UBN2: variants seen among roughly 807,000 people sequenced by gnomAD.
UBN2 encodes ubinuclein-2.
UBN2 carries 35 observed loss-of-function variants against 120.2 expected under a neutral mutation model. That is an observed-to-expected ratio of 0.29 (90% CI 0.22 to 0.39). The LOEUF (loss-of-function observed/expected upper bound fraction) is 0.39. UBN2 is among the 10% of genes least tolerant of loss of function. The pLI is 1.00. For synonymous variants in UBN2, 661 were observed against 648.7 expected (o/e 1.02, Z -0.29); for missense variants, 1,693 against 1,663.2 (o/e 1.02, Z -0.31).
At chr7:139,296,419 G>T (rs1478423421) in intron 17 of UBN2, among the ~76,000 whole-genome samples, 2 of 152,162 alleles carry the variant, frequency 1.3e-5, no homozygotes, top group Non-Finnish European at 2.9e-5. Flanking sequence ...GCCAAACCCT[G>T]GTCAAATTTG....
At chr7:139,279,284 A>T in intron 12 of UBN2, 34 bp from the exon 13 acceptor site, 1 of 1,562,700 alleles carries the variant, frequency 6.4e-7, no homozygotes, top group Non-Finnish European at 8.8e-7. Flanking sequence ...TATAACTGCT[A>T]CTGAAATAGC....
chr7:139,283,549 C>G lies in UBN2; in HGVS notation c.2644C>G (p.Gln882Glu). Residue 882 changes from glutamine (Q) to glutamate (E), a missense_variant, in exon 15 of 18, where the codon CAG (glutamine) becomes GAG (glutamate). Physicochemically the swap from Gln to Glu is conservative, Grantham distance 29 (BLOSUM62 2). Coordinates refer to ENST00000473989, the MANE Select transcript of UBN2 (RefSeq NM_173569.4). ...LPARLLQQGL[Q>E]RSSQIHTSSS... is the part of the protein sequence containing the mutation. ...AGCCAGGCTACTTCAACAAGGACTT[C>G]AGAGGTCAAGCCAGATTCACACTTC... The G allele has an allele frequency of 6.2e-7, 1 of 1,614,156 alleles. No homozygotes were observed. The highest frequency in any genetic ancestry group is 8.5e-7 in the Non-Finnish European group (1 of 1,180,020).
At chr7:139,327,939 G>A in the UBN2 span, among the ~76,000 whole-genome samples, 1 of 152,148 alleles carries the variant, frequency 6.6e-6, no homozygotes, top group Non-Finnish European at 1.5e-5. Flanking sequence ...TCCCTCCTGT[G>A]TATTTGCCCT....
chr7:139,249,789 T>C (rs1003736159), intron 2 of UBN2, among the ~76,000 whole-genome samples: 2 of 152,004 alleles, frequency 1.3e-5, no homozygotes, highest in African/African-American at 4.8e-5. Flanking sequence ...CACTGTAGCC[T>C]CAACCTCCTG....
At chr7:139,234,769 G>A (rs1182208712) in intron 1 of UBN2, among the ~76,000 whole-genome samples, 1 of 152,164 alleles carries the variant, frequency 6.6e-6, no homozygotes, top group Non-Finnish European at 1.5e-5. Context: ...ACTGTAAAAA[G>A]AAAAATAAGT....
At chr7:139,270,245 C>G (rs1014219480) in intron 8 of UBN2, among the ~76,000 whole-genome samples, 1 of 148,154 alleles carries the variant, frequency 6.7e-6, no homozygotes, top group Non-Finnish European at 1.5e-5. Flanking sequence ...TGAGATTCAT[C>G]TTATGTCTAC....
chr7:139,290,924 C>T (rs192716655), intron 15 of UBN2, among the ~76,000 whole-genome samples: 1 of 152,100 alleles, frequency 6.6e-6, no homozygotes, highest in South Asian at 2.1e-4. Flanking sequence ...TTAAGAAGTA[C>T]CCCACCAGAA....
At position 139,261,671 on chromosome 7, in the gene UBN2, C is replaced by A; in HGVS notation, c.1325C>A (p.Pro442His). The change falls in exon 6 of 18, where the codon CCC becomes CAC. Residue 442 changes from proline to histidine, a missense_variant. Pro to His is a moderately conservative substitution (Grantham distance 77). This residue lies in a region of UBN2 where 663 missense variants were observed against 591.2 expected (regional missense o/e 1.12). Transcript: ENST00000473989. ...TQPTYTSQVMPKVVPTLPEGL... is the reference protein window; with the variant it reads ...TQPTYTSQVMHKVVPTLPEGL... The stretch of plus-strand genomic sequence containing the variant: ...CCAACCTACACTTCTCAGGTTATGC[C>A]CAAAGTGGTACCTACACTCCCAGAG... The A allele has an allele frequency of 6.2e-7, 1 of 1,614,128 alleles. No homozygotes were observed. Among genetic ancestry groups the A allele is most frequent in the Non-Finnish European group, 8.5e-7 (1 of 1,180,018 alleles).
chr7:139,320,022 G>A, the UBN2 span, among the ~76,000 whole-genome samples: 1 of 151,512 alleles, frequency 6.6e-6, no homozygotes, highest in Non-Finnish European at 1.5e-5. Context: ...CTTGCAGTGA[G>A]CCGAGATCGT....
At chr7:139,236,460 C>G (rs952159045) in intron 1 of UBN2, among the ~76,000 whole-genome samples, 3 of 152,200 alleles carry the variant, frequency 2.0e-5, no homozygotes, top group African/African-American at 7.2e-5. Flanking sequence ...TGAAGTGTTG[C>G]TTTTAATTAA....
chr7:139,262,214 C>G (rs996544973), intron 6 of UBN2, among the ~76,000 whole-genome samples: 10 of 152,226 alleles, frequency 6.6e-5, no homozygotes, highest in South Asian at 6.2e-4. Context: ...ATTCTCTTGC[C>G]TCAGCCTCCC....
In UBN2 at chr7:139,307,637, T is replaced by A. The variant is rs1282378630; in HGVS notation, c.*9801T>A. 6.6e-6 allele frequency: 1 copy of A among 152,216 alleles called. No homozygotes were observed. The highest frequency in any genetic ancestry group is 2.1e-4 in the South Asian group (1 of 4,824). The allele number at this position is 152,216 out of a possible 1,614,324, so 9.4% of individuals were successfully genotyped here. On this transcript the variant is annotated 3_prime_UTR_variant, in exon 18 of 18. Coordinates refer to ENST00000473989, the MANE Select transcript of UBN2 (RefSeq NM_173569.4). Reference sequence around the variant, plus strand: ...AATCGGAGCAGGAATATGGACAAACTGCTGCTACTGAACCCTGCACTGAGC... The same window carrying A: ...AATCGGAGCAGGAATATGGACAAACAGCTGCTACTGAACCCTGCACTGAGC...
the UBN2 span, among the ~76,000 whole-genome samples, chr7:139,327,941 A>G: frequency 6.6e-6 from 1 of 152,174 alleles, no homozygotes; most frequent in African/African-American, 2.4e-5. Context: ...CCTCCTGTGT[A>G]TTTGCCCTTT....
intron 6 of UBN2, among the ~76,000 whole-genome samples, chr7:139,262,712 TC>T (rs1796975608): frequency 8.5e-6 from 1 of 117,222 alleles, no homozygotes. Context: ...AGACTCCATC[TC>T]AAAAAAAAAA....
chr7:139,294,949 A>G (rs1798068449), intron 17 of UBN2, among the ~76,000 whole-genome samples: 1 of 152,236 alleles, frequency 6.6e-6, no homozygotes, highest in Admixed American at 6.5e-5. Flanking sequence ...TGCATAACAC[A>G]CTGGGCTCCA....
At position 139,303,742 on chromosome 7, in the gene UBN2, C is replaced by A. The variant is rs1798310583; in HGVS notation, c.*5906C>A. On this transcript the variant is annotated 3_prime_UTR_variant, in exon 18 of 18. Coordinates refer to ENST00000473989, the MANE Select transcript of UBN2 (RefSeq NM_173569.4). ...TCCTTATAATGAGTATAAAAAGCAC[C>A]CTATGGTTTTTAAATTTAAAAAAAT... 1 of 151,854 alleles carries A rather than the reference C, an allele frequency of 6.6e-6. No homozygotes were observed. The highest frequency in any genetic ancestry group is 1.5e-5 in the Non-Finnish European group (1 of 67,982). The allele number at this position is 151,854 out of a possible 1,614,324, so 9.4% of individuals were successfully genotyped here. A position where few individuals can be genotyped will look rare whatever the true frequency, so the allele number is the denominator to read the frequency against.
At chr7:139,278,220 C>T (rs1415112400) in intron 12 of UBN2, among the ~76,000 whole-genome samples, 1 of 138,036 alleles carries the variant, frequency 7.2e-6, no homozygotes, top group East Asian at 2.1e-4. Flanking sequence ...CTTGCTCTGT[C>T]GCCCAGGCTG....
intron 13 of UBN2, among the ~76,000 whole-genome samples, chr7:139,279,869 C>A (rs1348316409): frequency 6.6e-6 from 1 of 152,132 alleles, no homozygotes; most frequent in Admixed American, 6.5e-5. Flanking sequence ...CAAACAATAA[C>A]ATCTTTAGTA....
intron 4 of UBN2, 23 bp downstream of exon 4, chr7:139,258,648 C>T (rs765262596): frequency 6.4e-7 from 1 of 1,561,768 alleles, no homozygotes; most frequent in Non-Finnish European, 8.7e-7. Flanking sequence ...AACATTGCAA[C>T]AGTACTGAGA....
Sources: allele counts gnomAD v4.1 joint callset (sites outside exome capture counted in the v4.1 genomes callset), GRCh38; gene constraint gnomAD v4.1.1; regional missense constraint gnomAD v4.1.1; transcripts MANE v1.5; gene names NCBI Gene and HGNC (gene_info 2026-07-23, HGNC 2026-07-21).